PIK3C2G: variants seen among roughly 807,000 people sequenced by gnomAD.
PIK3C2G encodes the protein phosphatidylinositol-4-phosphate 3-kinase catalytic subunit type 2 gamma, also known as phosphatidylinositol 3-kinase C2 domain-containing subunit gamma.
A neutral mutation model predicts 181.1 loss-of-function variants in PIK3C2G; 168 were observed. The observed-to-expected ratio is 0.93, with a 90% CI of 0.82 to 1.05. The LOEUF (loss-of-function observed/expected upper bound fraction) is 1.05. PIK3C2G is among the 50% of genes least tolerant of loss of function. PIK3C2G has a pLI of 0.00. For missense variants in PIK3C2G, 1,869 were observed against 1,732.8 expected (o/e 1.08, Z -1.40); for synonymous variants, 573 against 592.2 (o/e 0.97, Z 0.47).
upstream of PIK3C2G, among the ~76,000 whole-genome samples, chr12:18,261,184 G>A (rs372130317): frequency 6.6e-6 from 1 of 152,112 alleles, no homozygotes; most frequent in East Asian, 1.9e-4. Context: ...CCACCTCCAC[G>A]TTTAAATGCA....
intron 18 of PIK3C2G, among the ~76,000 whole-genome samples, chr12:18,465,830 A>C (rs1458598053): frequency 1.3e-5 from 2 of 151,642 alleles, no homozygotes; most frequent in East Asian, 3.9e-4. Context: ...AAGTTCTGAA[A>C]ATTTCTCAAC....
At chr12:18,685,807 T>C in the PIK3C2G span, 2 of 331,348 alleles carry the variant, frequency 6.0e-6, no homozygotes, top group African/African-American at 4.4e-5. Flanking sequence ...CTCCCTTCCA[T>C]CCTCCTCCTG....
chr12:18,539,216 C>T (rs17418422), intron 25 of PIK3C2G, among the ~76,000 whole-genome samples: 12,901 of 151,876 alleles, frequency 0.085, 729 homozygotes, highest in Middle Eastern at 0.17. Flanking sequence ...ACATGTTAAC[C>T]CCCAAAAGAC....
At chr12:18,347,419 T>A (rs1368594380) in intron 11 of PIK3C2G, among the ~76,000 whole-genome samples, 1 of 152,198 alleles carries the variant, frequency 6.6e-6, no homozygotes, top group African/African-American at 2.4e-5. Flanking sequence ...AATATAGAGA[T>A]AATTAAAGTT....
downstream of PIK3C2G, among the ~76,000 whole-genome samples, chr12:18,650,712 C>G (rs10082799): frequency 0.042 from 580 of 13,956 alleles, 18 homozygotes; most frequent in African/African-American, 0.095. Context: ...GTGTATATAT[C>G]TATATATATA....
rs553505564 is a variant in PIK3C2G at position 18,364,338 on chromosome 12, G to A, written c.1748+1452G>A. Among the ~76,000 whole-genome samples, 8 of 152,250 alleles carry A rather than the reference G, an allele frequency of 5.3e-5. No individual in the cohort carries two copies. The East Asian group carries it at 9.7e-4, about 18-fold the overall frequency. On this transcript the variant is annotated intron_variant, in intron 12 of 32. Transcript: ENST00000538779. ...TGGGAAACACATAATTATCTTTCAC[G>A]ATGCATCTTTTACCTCCTGTATAAA...
chr12:18,304,791 G>A (rs12582394), intron 5 of PIK3C2G, among the ~76,000 whole-genome samples: 22,527 of 152,112 alleles, frequency 0.15, 1,980 homozygotes, highest in East Asian at 0.41. Context: ...AAACCTGAAC[G>A]AATTGATTAC....
chr12:18,631,602 G>A (rs935457161), intron 31 of PIK3C2G, among the ~76,000 whole-genome samples: 1 of 152,140 alleles, frequency 6.6e-6, no homozygotes, highest in African/African-American at 2.4e-5. Context: ...TGAAGGAAAA[G>A]GGTGGGAAAA....
At chr12:18,255,243 A>AT (rs1297306610) in intron 1 of PIK3C2G, among the ~76,000 whole-genome samples, 1 of 149,912 alleles carries the variant, frequency 6.7e-6, no homozygotes, top group East Asian at 2.0e-4. Context: ...AAATAAATAA[A>AT]TAAATAAATA....
the PIK3C2G span, among the ~76,000 whole-genome samples, chr12:18,673,008 G>A: frequency 2.0e-5 from 3 of 152,146 alleles, no homozygotes; most frequent in Non-Finnish European, 2.9e-5. Context: ...TGACACAAAA[G>A]ATGGCATACA....
Position 18,420,934 on chromosome 12 carries a change from G to A in PIK3C2G, c.2316-7G>A, listed in dbSNP as rs750636411. Reference sequence around the variant, plus strand: ...ACAGCTTAGTGGATATATTTACTGTGTATTAGTTTTCCAGATCAAGAAATT... The same window carrying A: ...ACAGCTTAGTGGATATATTTACTGTATATTAGTTTTCCAGATCAAGAAATT... On this transcript the variant is annotated splice_polypyrimidine_tract_variant and splice_region_variant and intron_variant, in intron 16 of 32. Transcript: ENST00000538779. 3 of 1,475,792 alleles carry A rather than the reference G, an allele frequency of 2.0e-6. No individual in the cohort carries two copies. The highest frequency in any genetic ancestry group is 2.3e-5 in the East Asian group (1 of 44,052). 91.4% of individuals were successfully genotyped at this position (1,475,792 alleles called of 1,614,324 possible).
intron 18 of PIK3C2G, among the ~76,000 whole-genome samples, chr12:18,475,061 C>A (rs181675795): frequency 6.6e-6 from 1 of 151,850 alleles, no homozygotes; most frequent in Admixed American, 6.6e-5. Flanking sequence ...ACACAAGAAC[C>A]GAATGGTCCG....
At chr12:18,456,473 G>A (rs1947636265) in intron 18 of PIK3C2G, among the ~76,000 whole-genome samples, 2 of 152,106 alleles carry the variant, frequency 1.3e-5, no homozygotes, top group South Asian at 2.1e-4. Context: ...TGAGCTTGAG[G>A]AGGCCATGTC....
intron 12 of PIK3C2G, among the ~76,000 whole-genome samples, chr12:18,365,773 A>T (rs1204840971): frequency 6.6e-6 from 1 of 152,210 alleles, no homozygotes; most frequent in Non-Finnish European, 1.5e-5. Context: ...CATCAGTCAC[A>T]AACTCCACAC....
At chr12:18,567,692 G>A (rs1945710550) in intron 29 of PIK3C2G, among the ~76,000 whole-genome samples, 1 of 151,910 alleles carries the variant, frequency 6.6e-6, no homozygotes, top group African/African-American at 2.4e-5. Flanking sequence ...AACAGAGGTG[G>A]TCTGGGGAAG....
the PIK3C2G span, among the ~76,000 whole-genome samples, chr12:18,667,120 G>T: frequency 6.6e-6 from 1 of 152,108 alleles, no homozygotes; most frequent in East Asian, 1.9e-4. Context: ...GAAAATAAAG[G>T]CATTTCAGTA....
chr12:18,429,882 C>CCTT, intron 18 of PIK3C2G, among the ~76,000 whole-genome samples: 1 of 152,290 alleles, frequency 6.6e-6, no homozygotes, highest in East Asian at 1.9e-4. Context: ...AAATACGGCC[C>CCTT]CTTCTCTGGA....
At chr12:18,664,201 G>T in the PIK3C2G span, among the ~76,000 whole-genome samples, 1 of 152,122 alleles carries the variant, frequency 6.6e-6, no homozygotes, top group East Asian at 1.9e-4. Context: ...AGCCACTGTG[G>T]GACACAGTTT....
intron 9 of PIK3C2G, among the ~76,000 whole-genome samples, chr12:18,340,604 G>T (rs1399081588): frequency 6.6e-6 from 1 of 152,096 alleles, no homozygotes; most frequent in Non-Finnish European, 1.5e-5. Context: ...AACATTACAA[G>T]CTCCAAGAGC....
Sources: gnomAD v4.1 joint callset for allele counts (sites outside exome capture counted in the v4.1 genomes callset) on GRCh38, gnomAD v4.1.1 for gene constraint, MANE v1.5 for transcripts, NCBI Gene and HGNC (gene_info 2026-07-23, HGNC 2026-07-21) for gene names.